The following SECTM1 variants were observed in gnomAD, a reference collection of about 807,000 sequenced individuals.
SECTM1 encodes the protein secreted and transmembrane 1.
In SECTM1, 10 loss-of-function variants were observed where a neutral mutation model predicts 18.1. The ratio of observed to expected loss-of-function variants is 0.55; its 90% CI spans 0.34 to 0.94. The LOEUF is 0.94. Ranked by LOEUF, SECTM1 falls within the 40% of genes least tolerant of loss-of-function variation. The pLI is 0.02. For synonymous variants in SECTM1, 137 were observed against 139.2 expected (o/e 0.98, Z 0.11); for missense variants, 297 against 322.6 (o/e 0.92, Z 0.61).
In SECTM1 at chr17:82,321,986, C is replaced by A. The variant is rs1251212393; in HGVS notation, c.*175G>T. On this transcript the variant is annotated 3_prime_UTR_variant, in exon 5 of 5. Transcript: ENST00000269389. ...AACTGAGGAAGCAGAGCTTGGAAGACCTGGGGGGTGGAGGGGAAGGGTCTG... is the reference window on the plus strand; with the variant it reads ...AACTGAGGAAGCAGAGCTTGGAAGAACTGGGGGGTGGAGGGGAAGGGTCTG... The A allele has an allele frequency of 3.4e-6, 2 of 595,966 alleles. No individual in the cohort carries two copies. Among genetic ancestry groups the A allele is most frequent in the Non-Finnish European group, 5.9e-6 (2 of 338,856 alleles). 36.9% of individuals were successfully genotyped at this position (595,966 alleles called of 1,614,324 possible).
At chr17:82,323,222 C>T (rs567963615) in intron 3 of SECTM1, 10 of 585,886 alleles carry the variant, frequency 1.7e-5, no homozygotes, top group South Asian at 6.2e-5. Flanking sequence ...AGACCCAGAG[C>T]GCAGGTGTGT....
At position 82,325,161 on chromosome 17, in the gene SECTM1, C is replaced by T. The variant is rs759889769; in HGVS notation, c.95-271G>A. 1.1e-4 allele frequency among the ~76,000 whole-genome samples: 16 copies of T among 152,132 alleles called. No individual in the cohort carries two copies. Among genetic ancestry groups the T allele is most frequent in the African/African-American group, 2.7e-4 (11 of 41,432 alleles). On this transcript the variant is annotated intron_variant, in intron 2 of 4. Coordinates refer to ENST00000269389, the MANE Select transcript of SECTM1 (RefSeq NM_003004.3). The surrounding 1 kb of genome is among the most constrained non-coding windows in gnomAD (Gnocchi z 7.6). The stretch of plus-strand genomic sequence containing the variant: ...GTTCCTTGGGGTGTGTCAGCTTGGA[C>T]GAAGGCATTTCCTATCAACTCCCTC...
rs1487297651 is a variant in SECTM1, at chr17:82,330,165, C to G, written c.-52-2873G>C. ...CCAGCTCAGCCACCCACCTTGGAACCGTGCAGATGGACAGCAGGGAGGGTC... is the reference window on the plus strand; with the variant it reads ...CCAGCTCAGCCACCCACCTTGGAACGGTGCAGATGGACAGCAGGGAGGGTC... On this transcript the variant is annotated intron_variant, in intron 1 of 4. Transcript: ENST00000269389. This position sits in a 1 kb window ranked among gnomAD's most constrained non-coding sequence, Gnocchi z 6.1. Among the ~76,000 whole-genome samples the G allele has an allele frequency of 2.0e-5, 3 of 152,204 alleles. No individual in the cohort carries two copies. In the East Asian group the frequency reaches 5.8e-4, roughly 29 times the overall value.
intron 1 of SECTM1, among the ~76,000 whole-genome samples, chr17:82,332,555 C>T (rs1417104022): frequency 6.6e-6 from 1 of 152,196 alleles, no homozygotes; most frequent in African/African-American, 2.4e-5. Context: ...TCAGGGAACA[C>T]AGGTGACCCC....
intron 3 of SECTM1, among the ~76,000 whole-genome samples, chr17:82,324,117 C>T (rs1226934799): frequency 4.6e-5 from 7 of 151,586 alleles, no homozygotes; most frequent in African/African-American, 1.2e-4. Flanking sequence ...CCAGGTGCTG[C>T]GGGTCTGGAG....
Position 82,324,889 on chromosome 17 carries a change from G to T in SECTM1, c.96C>A (p.Gly32=). 1 of 1,607,546 alleles carries T rather than the reference G, an allele frequency of 6.2e-7. No individual in the cohort carries two copies. The stretch of plus-strand genomic sequence containing the variant: ...CCTCTGTGCAGATGGGGCTGTCCCA[G>T]CCTGTAGGGCCAGACAGAGGCACAC... ...LAASLSAQNE[G]WDSPICTEGV... Residue 32 remains glycine, a splice_region_variant and synonymous_variant, in exon 3 of 5, where the codon GGC becomes GGA. Transcript: ENST00000269389.
chr17:82,330,474 C>G lies in SECTM1; in HGVS notation c.-52-3182G>C, dbSNP rs2147270950. The stretch of plus-strand genomic sequence containing the variant: ...CCCAGGTGCTGGCTCTGCCACCCGT[C>G]TGTGTCCTGAGTCAGCCCTGACTCG... On this transcript the variant is annotated intron_variant, in intron 1 of 4. Coordinates refer to ENST00000269389, the MANE Select transcript of SECTM1 (RefSeq NM_003004.3). The surrounding 1 kb of genome is among the most constrained non-coding windows in gnomAD (Gnocchi z 6.1). Among the ~76,000 whole-genome samples, 1 of 152,266 alleles carries G rather than the reference C, an allele frequency of 6.6e-6. No homozygotes were observed. Among genetic ancestry groups the G allele is most frequent in the East Asian group, 1.9e-4 (1 of 5,178 alleles).
rs1444816088 is a variant in SECTM1 at position 82,324,661 on chromosome 17, C to T, written c.324G>A (p.Arg108=). 6.2e-7 allele frequency: 1 copy of T among 1,613,874 alleles called. No homozygotes were observed. Among genetic ancestry groups the T allele is most frequent in the Non-Finnish European group, 8.5e-7 (1 of 1,180,022 alleles). The stretch of plus-strand genomic sequence containing the variant: ...ACATGTACAGCCCAGCATGGGAGTC[C>T]CGGGCGCCTTTGATCACCAGCTGTG... ...GVAQLVIKGA[R]DSHAGLYMWH... Residue 108 remains arginine, a synonymous_variant, in exon 3 of 5, where the codon CGG becomes CGA. Transcript: ENST00000269389.
Position 82,324,777 on chromosome 17 carries a change from C to T in SECTM1, c.208G>A (p.Ala70Thr). The part of the protein sequence containing the change: ...AFSHVNIKLR[A>T]HGQESAIFNE... Reference sequence around the variant, plus strand: ...AAGATGGCGCTCTCCTGCCCGTGGGCACGCAGCTTGATGTTGACATGGGAG... The same window carrying T: ...AAGATGGCGCTCTCCTGCCCGTGGGTACGCAGCTTGATGTTGACATGGGAG... The change falls in exon 3 of 5, where the codon GCC (alanine) becomes ACC (threonine). Residue 70 changes from alanine (A) to threonine (T), a missense_variant. Coordinates refer to ENST00000269389, the MANE Select transcript of SECTM1 (RefSeq NM_003004.3). 6.2e-7 allele frequency: 1 copy of T among 1,614,150 alleles called. No homozygotes were observed. The highest frequency in any genetic ancestry group is 8.5e-7 in the Non-Finnish European group (1 of 1,180,022).
At chr17:82,323,276 C>A in intron 3 of SECTM1, 1 of 486,602 alleles carries the variant, frequency 2.1e-6, no homozygotes, top group Non-Finnish European at 3.7e-6. Flanking sequence ...TGCCAGGTCC[C>A]AGGAGCTGCG....
intron 1 of SECTM1, among the ~76,000 whole-genome samples, chr17:82,331,712 G>T (rs572941991): frequency 6.6e-6 from 1 of 152,250 alleles, no homozygotes; most frequent in Non-Finnish European, 1.5e-5. Flanking sequence ...TCAGAGAGAG[G>T]GCAGGCGGCA....
Position 82,326,205 on chromosome 17 carries a change from AT to A in SECTM1, c.94+941del, listed in dbSNP as rs2052144376. Among the ~76,000 whole-genome samples the A allele has an allele frequency of 6.6e-6, 1 of 152,196 alleles. No homozygotes were observed. Among genetic ancestry groups the A allele is most frequent in the Non-Finnish European group, 1.5e-5 (1 of 68,040 alleles). ...CGAAACCAGGGTTCTTCCACCTGGG[AT>A]TCTTCCCTTTCAGTTTTGTTTTGTT... On this transcript the variant is annotated intron_variant, in intron 2 of 4. Coordinates refer to ENST00000269389, the MANE Select transcript of SECTM1 (RefSeq NM_003004.3). The surrounding 1 kb of genome is among the most constrained non-coding windows in gnomAD (Gnocchi z 4.3).
In SECTM1 at chr17:82,322,234, A is replaced by G; in HGVS notation, c.674T>C (p.Phe225Ser). The stretch of plus-strand genomic sequence containing the variant: ...CAGGGCTCCAAGTGGTGAGGGTTTG[A>G]ACACCAGTGCCAGCGGCCTTGGGGT... ...EPTPRPLALVFKPSPLGALEL... is the reference protein window; with the variant it reads ...EPTPRPLALVSKPSPLGALEL... The change falls in exon 5 of 5, where the codon TTC becomes TCC. Residue 225 changes from phenylalanine (F) to serine (S), a missense_variant. Physicochemically the swap from Phe to Ser is radical, Grantham distance 155. Transcript: ENST00000269389. 1 of 1,612,076 alleles carries G rather than the reference A, an allele frequency of 6.2e-7. No homozygotes were observed. Among genetic ancestry groups the G allele is most frequent in the Admixed American group, 1.7e-5 (1 of 59,774 alleles).
intron 1 of SECTM1, among the ~76,000 whole-genome samples, chr17:82,331,166 T>C (rs922273658): frequency 6.6e-6 from 1 of 151,732 alleles, no homozygotes; most frequent in Non-Finnish European, 1.5e-5. Flanking sequence ...ACCCGGCAAG[T>C]GGCGGGAAAG....
At position 82,327,246 on chromosome 17, in the gene SECTM1, G is replaced by A; in HGVS notation, c.-6C>T. ...GCCAGGGGGCAGGTCTGCATGGCTG[G>A]TGGGACTTGGGCCCCTGGTCCTTGT... On this transcript the variant is annotated 5_prime_UTR_variant, in exon 2 of 5. Coordinates refer to ENST00000269389, the MANE Select transcript of SECTM1 (RefSeq NM_003004.3). 2.5e-6 allele frequency: 4 copies of A among 1,600,182 alleles called. No individual in the cohort carries two copies. Among genetic ancestry groups the A allele is most frequent in the South Asian group, 2.3e-5 (2 of 88,782 alleles).
intron 1 of SECTM1, 128 bp downstream of exon 1, chr17:82,333,572 G>C: frequency 5.8e-6 from 1 of 170,948 alleles, no homozygotes; most frequent in South Asian, 1.0e-4. Context: ...CTAACACCGA[G>C]CCCCCAGCAC....
In SECTM1 at chr17:82,325,731, G is replaced by C. The variant is rs1338649464; in HGVS notation, c.95-841C>G. On this transcript the variant is annotated intron_variant, in intron 2 of 4. Coordinates refer to ENST00000269389, the MANE Select transcript of SECTM1 (RefSeq NM_003004.3). The surrounding 1 kb of genome is among the most constrained non-coding windows in gnomAD (Gnocchi z 7.6). Reference sequence around the variant, plus strand: ...CTGAGATTCAGGCCGTCGGGCCCGAGCATGGTACCAGCCTGAGGTCTTGGT... The same window carrying C: ...CTGAGATTCAGGCCGTCGGGCCCGACCATGGTACCAGCCTGAGGTCTTGGT... Among the ~76,000 whole-genome samples the C allele has an allele frequency of 1.3e-5, 2 of 152,238 alleles. No individual in the cohort carries two copies. Among genetic ancestry groups the C allele is most frequent in the African/African-American group, 4.8e-5 (2 of 41,466 alleles).
In SECTM1 at chr17:82,326,219, G is replaced by C. The variant is rs1045892652; in HGVS notation, c.94+928C>G. ...TTCCACCTGGGATTCTTCCCTTTCA[G>C]TTTTGTTTTGTTTTTTGTTCGTTCT... is the stretch of plus-strand genomic sequence containing the variant. On this transcript the variant is annotated intron_variant, in intron 2 of 4. Coordinates refer to ENST00000269389, the MANE Select transcript of SECTM1 (RefSeq NM_003004.3). The surrounding 1 kb of genome is among the most constrained non-coding windows in gnomAD (Gnocchi z 4.3). Among the ~76,000 whole-genome samples, 2 of 152,226 alleles carry C rather than the reference G, an allele frequency of 1.3e-5. No homozygotes were observed. The highest frequency in any genetic ancestry group is 2.9e-5 in the Non-Finnish European group (2 of 68,036).
intron 3 of SECTM1, 145 bp downstream of exon 3, chr17:82,324,437 C>T: frequency 3.4e-6 from 3 of 873,924 alleles, no homozygotes; most frequent in South Asian, 3.5e-5. Context: ...TACCCGCCAA[C>T]CCTGTCTCCT....
Sources: gnomAD v4.1 joint callset for allele counts (sites outside exome capture counted in the v4.1 genomes callset) on GRCh38, gnomAD v4.1.1 for gene constraint, Gnocchi (gnomAD v3.1) non-coding constraint, MANE v1.5 for transcripts, NCBI Gene and HGNC (gene_info 2026-07-23, HGNC 2026-07-21) for gene names.